The following LRMDA variants were observed in gnomAD, a reference collection of about 807,000 sequenced individuals.
LRMDA encodes leucine rich melanocyte differentiation associated, also known as leucine-rich melanocyte differentiation-associated protein.
A neutral mutation model predicts 29.8 loss-of-function variants in LRMDA; 18 were observed. That is an observed-to-expected ratio of 0.60 (90% CI 0.42 to 0.90). The LOEUF is 0.90. LRMDA is among the 40% of genes least tolerant of loss of function. The pLI, the probability that LRMDA is intolerant of heterozygous loss-of-function variation, is 0.00. For missense variants in LRMDA, 273 were observed against 273.9 expected, an observed-to-expected ratio of 1.00 and a Z score of 0.02; for synonymous variants, 125 against 109.4, an observed-to-expected ratio of 1.14 and a Z score of -0.89.
intron 2 of LRMDA, among the ~76,000 whole-genome samples, chr10:76,033,117 TGTC>T (rs762774970): frequency 3.9e-5 from 6 of 152,098 alleles, no homozygotes; most frequent in Admixed American, 1.3e-4. Context: ...GTATGTGTAT[TGTC>T]GTCCACGTGT....
At chr10:75,556,119 A>G (rs1840210408) in intron 2 of LRMDA, among the ~76,000 whole-genome samples, 1 of 152,154 alleles carries the variant, frequency 6.6e-6, no homozygotes, top group South Asian at 2.1e-4. Flanking sequence ...ATGGCTGAAA[A>G]TATCCCAAAT....
chr10:76,283,078 A>G (rs766665557), intron 5 of LRMDA, among the ~76,000 whole-genome samples: 11 of 152,246 alleles, frequency 7.2e-5, no homozygotes, highest in South Asian at 6.2e-4. Context: ...TAGAACCTCA[A>G]CTTCAAGGTT....
chr10:76,525,451 T>C (rs925631238), intron 6 of LRMDA, among the ~76,000 whole-genome samples: 4 of 152,164 alleles, frequency 2.6e-5, no homozygotes, highest in African/African-American at 7.2e-5. Context: ...TCTTAGAGGA[T>C]TGAGTCCTTT....
At chr10:75,488,166 C>T (rs1844938430) in intron 2 of LRMDA, among the ~76,000 whole-genome samples, 1 of 152,158 alleles carries the variant, frequency 6.6e-6, no homozygotes, top group Admixed American at 6.5e-5. Flanking sequence ...TGAATTGTGT[C>T]TCTCAGTGGA....
intron 2 of LRMDA, among the ~76,000 whole-genome samples, chr10:75,679,072 G>T (rs536015168): frequency 2.0e-5 from 3 of 152,168 alleles, no homozygotes; most frequent in Non-Finnish European, 4.4e-5. Flanking sequence ...GACCTTCAGA[G>T]TTGGAGGTTC....
intron 2 of LRMDA, among the ~76,000 whole-genome samples, chr10:75,546,606 T>C (rs1840084063): frequency 1.3e-5 from 2 of 152,192 alleles, no homozygotes; most frequent in African/African-American, 4.8e-5. Context: ...TTTTTAATGG[T>C]AGAAGTGATG....
chr10:75,592,403 G>A (rs1392019419), intron 2 of LRMDA, among the ~76,000 whole-genome samples: 4 of 152,234 alleles, frequency 2.6e-5, no homozygotes, highest in African/African-American at 9.6e-5. Context: ...GCCCGAAGTT[G>A]TAATAAAGTC....
intron 2 of LRMDA, among the ~76,000 whole-genome samples, chr10:75,926,748 G>C (rs1200543927): frequency 6.6e-6 from 1 of 152,132 alleles, no homozygotes; most frequent in African/African-American, 2.4e-5. Flanking sequence ...TGGTTTCCTG[G>C]GCCTGTAACT....
At chr10:76,085,651 G>T (rs1849121791) in intron 5 of LRMDA, among the ~76,000 whole-genome samples, 1 of 152,154 alleles carries the variant, frequency 6.6e-6, no homozygotes, top group Non-Finnish European at 1.5e-5. Context: ...TCTCTTTCCT[G>T]TCTCCCAGCG....
chr10:75,882,427 G>C (rs1036768909), intron 2 of LRMDA, among the ~76,000 whole-genome samples: 1 of 152,120 alleles, frequency 6.6e-6, no homozygotes, highest in Non-Finnish European at 1.5e-5. Flanking sequence ...TTCTGCAAAG[G>C]TGTTTGGCAT....
intron 2 of LRMDA, among the ~76,000 whole-genome samples, chr10:75,725,546 C>G (rs569475488): frequency 2.4e-4 from 36 of 152,320 alleles, no homozygotes; most frequent in African/African-American, 6.5e-4. Context: ...GTAAATCACT[C>G]TGTGTCACAC....
chr10:76,502,202 C>A lies in LRMDA; in HGVS notation c.602-55007C>A, dbSNP rs559090562. ...CCACTTTATTTCTGTGTTTTCTTTT[C>A]TCTTCCATTTGTCTATGTGTATGTT... On this transcript the variant is annotated intron_variant, in intron 6 of 6. Coordinates refer to ENST00000611255, the MANE Select transcript of LRMDA (RefSeq NM_001305581.2). 3.9e-5 allele frequency among the ~76,000 whole-genome samples: 6 copies of A among 152,028 alleles called. No homozygotes were observed. The East Asian group carries it at 1.2e-3, about 29-fold the overall frequency.
chr10:75,532,263 G>A (rs1267163626), intron 2 of LRMDA, among the ~76,000 whole-genome samples: 1 of 152,144 alleles, frequency 6.6e-6, no homozygotes, highest in African/African-American at 2.4e-5. Flanking sequence ...ATCTTGGGGA[G>A]AGGTGACAAA....
intron 3 of LRMDA, among the ~76,000 whole-genome samples, chr10:76,037,593 G>A (rs191504302): frequency 2.1e-4 from 32 of 152,300 alleles, no homozygotes; most frequent in African/African-American, 5.8e-4. Context: ...ATTTCTCACA[G>A]TCTGGAGGCT....
At chr10:76,012,350 C>T (rs942363056) in intron 2 of LRMDA, among the ~76,000 whole-genome samples, 1 of 152,102 alleles carries the variant, frequency 6.6e-6, no homozygotes, top group Non-Finnish European at 1.5e-5. Flanking sequence ...GCTCACAGCC[C>T]AGATACAGCA....
At chr10:75,882,747 A>T (rs896889381) in intron 2 of LRMDA, 4 of 152,348 alleles carry the variant, frequency 2.6e-5, no homozygotes, top group East Asian at 1.9e-4. Context: ...TGGCCACCTG[A>T]TGCCAACTCC....
At chr10:76,094,156 A>G (rs1406229141) in intron 5 of LRMDA, among the ~76,000 whole-genome samples, 3 of 152,208 alleles carry the variant, frequency 2.0e-5, no homozygotes, top group Non-Finnish European at 4.4e-5. Context: ...ACCTATAGGT[A>G]TGATGAGGTT....
At chr10:76,201,092 T>C (rs1851419598) in intron 5 of LRMDA, among the ~76,000 whole-genome samples, 1 of 128,448 alleles carries the variant, frequency 7.8e-6, no homozygotes, top group Non-Finnish European at 1.5e-5. Context: ...TTTATTTATT[T>C]ATTTATTTAT....
chr10:75,943,117 G>C (rs1037044412), intron 2 of LRMDA, among the ~76,000 whole-genome samples: 1 of 151,384 alleles, frequency 6.6e-6, no homozygotes, highest in African/African-American at 2.4e-5. Context: ...GAAGTTAAAG[G>C]GTTCTAAATT....
Sources: gnomAD v4.1 joint callset for allele counts (sites outside exome capture counted in the v4.1 genomes callset) on GRCh38, gnomAD v4.1.1 for gene constraint, MANE v1.5 for transcripts, NCBI Gene and HGNC (gene_info 2026-07-23, HGNC 2026-07-21) for gene names.